Variants in TNPO3 observed in about 807,000 individuals in gnomAD.
The protein encoded by TNPO3 is transportin-3.
Under a neutral mutation model 122.8 loss-of-function variants are expected in TNPO3, and 65 were observed. The observed-to-expected ratio is 0.53, with a 90% CI of 0.43 to 0.65. TNPO3 has a LOEUF of 0.65. Ranked by LOEUF, TNPO3 falls within the 30% of genes least tolerant of loss-of-function variation. The pLI, the probability that TNPO3 is intolerant of heterozygous loss-of-function variation, is 0.00. For synonymous variants in TNPO3, 372 were observed against 411.2 expected (o/e 0.90, Z 1.15); for missense variants, 850 against 1,136.7 (o/e 0.75, Z 3.63).
intron 4 of TNPO3, among the ~76,000 whole-genome samples, chr7:129,013,662 C>T (rs1307403901): frequency 1.3e-5 from 2 of 152,146 alleles, no homozygotes; most frequent in African/African-American, 4.8e-5. Context: ...AAGATCTCTA[C>T]AATCCCATGT....
chr7:129,018,909 AG>A (rs1415857700), intron 1 of TNPO3, among the ~76,000 whole-genome samples: 1 of 152,096 alleles, frequency 6.6e-6, no homozygotes, highest in Non-Finnish European at 1.5e-5. Flanking sequence ...AGTAGAGGCG[AG>A]GTTTCACCAT....
chr7:129,035,495 G>A (rs6973975), intron 1 of TNPO3, among the ~76,000 whole-genome samples: 96,303 of 151,940 alleles, frequency 0.63, 30,855 homozygotes, highest in Middle Eastern at 0.7. Context: ...TGCTTGTAAT[G>A]CCAGCTACTT....
intron 15 of TNPO3, 98 bp from the exon 16 acceptor site, chr7:128,979,221 C>G: frequency 1.4e-6 from 2 of 1,468,380 alleles, no homozygotes; most frequent in South Asian, 2.6e-5. Context: ...TTTTAAATAA[C>G]TGGGACAAAA....
At chr7:128,964,461 G>C (rs1429407658) in intron 21 of TNPO3, among the ~76,000 whole-genome samples, 1 of 150,178 alleles carries the variant, frequency 6.7e-6, no homozygotes, top group Non-Finnish European at 1.5e-5. Flanking sequence ...TCAGCCTCCA[G>C]AGTAGCTGGG....
intron 10 of TNPO3, among the ~76,000 whole-genome samples, chr7:128,990,641 G>T (rs1224035851): frequency 6.6e-6 from 1 of 152,152 alleles, no homozygotes; most frequent in Non-Finnish European, 1.5e-5. Context: ...CTAATTGAAA[G>T]AACAAGAAAA....
In TNPO3 at chr7:128,955,369, A is replaced by C. The variant is rs763371259; in HGVS notation, c.*48T>G. 5 of 456,276 alleles carry C rather than the reference A, an allele frequency of 1.1e-5. No homozygotes were observed. Among genetic ancestry groups the C allele is most frequent in the African/African-American group, 2.0e-5 (1 of 50,040 alleles). 28.3% of individuals were successfully genotyped at this position (456,276 alleles called of 1,614,324 possible). On this transcript the variant is annotated 3_prime_UTR_variant, in exon 23 of 23. Transcript: ENST00000265388. ...GGTTTTTGTTTTCTTCCTGTCTTCT[A>C]ATTAAAAAAGACATTCCTGACAAAA...
At chr7:129,049,263 A>G (rs1808419355) in intron 1 of TNPO3, among the ~76,000 whole-genome samples, 1 of 152,230 alleles carries the variant, frequency 6.6e-6, no homozygotes. Flanking sequence ...GACTCAGTAA[A>G]GGAGTCTAAA....
intron 1 of TNPO3, among the ~76,000 whole-genome samples, chr7:129,037,557 C>T (rs1455887737): frequency 1.3e-5 from 2 of 152,140 alleles, no homozygotes; most frequent in Admixed American, 6.5e-5. Context: ...AGATCACCTT[C>T]GCAGACCAGA....
intron 20 of TNPO3, 103 bp downstream of exon 20, chr7:128,970,045 G>C: frequency 7.0e-7 from 1 of 1,430,648 alleles, no homozygotes; most frequent in Non-Finnish European, 9.7e-7. Flanking sequence ...TGGTTCCATG[G>C]ACAGAAAACA....
rs1362523155 is a variant in TNPO3, at chr7:129,001,140, G to A, written c.791C>T (p.Pro264Leu). The A allele has an allele frequency of 1.2e-6, 2 of 1,614,138 alleles. No individual in the cohort carries two copies. The highest frequency in any genetic ancestry group is 1.3e-5 in the African/African-American group (1 of 75,044). ...TCCCTGAAAAAGTTGCATGGCTAAT[G>A]GCAAGTTAGTCTCCACATTCTCAAT... is the stretch of plus-strand genomic sequence containing the variant. ...YAIENVETNL[P>L]LAMQLFQGVL... Residue 264 changes from proline (P) to leucine (L), a missense_variant, in exon 6 of 23, where the codon CCA becomes CTA. Physicochemically the swap from Pro to Leu is moderately conservative, Grantham distance 98 (BLOSUM62 -3). Transcript: ENST00000265388.
intron 1 of TNPO3, among the ~76,000 whole-genome samples, chr7:129,040,226 G>C (rs1807202502): frequency 6.7e-6 from 1 of 149,798 alleles, no homozygotes; most frequent in Non-Finnish European, 1.5e-5. Context: ...CTGCACTCTA[G>C]CCTGGGCAAC....
At chr7:129,042,270 C>T (rs1462226969) in intron 1 of TNPO3, among the ~76,000 whole-genome samples, 3 of 152,044 alleles carry the variant, frequency 2.0e-5, no homozygotes, top group South Asian at 2.1e-4. Context: ...TTAAGCATTT[C>T]GATGAGTGAA....
chr7:129,000,319 C>A, intron 7 of TNPO3, 110 bp downstream of exon 7: 2 of 1,201,324 alleles, frequency 1.7e-6, no homozygotes, highest in South Asian at 2.2e-5. Flanking sequence ...TAATTAAAAA[C>A]AAGACTGTAA....
intron 21 of TNPO3, among the ~76,000 whole-genome samples, chr7:128,961,253 C>T (rs185634200): frequency 5.9e-5 from 9 of 152,222 alleles, no homozygotes; most frequent in Admixed American, 5.9e-4. Flanking sequence ...TGCCCTCATA[C>T]AGGTATACCT....
chr7:129,005,254 G>A, intron 4 of TNPO3, 95 bp from the exon 5 acceptor site: 3 of 1,180,070 alleles, frequency 2.5e-6, no homozygotes, highest in Non-Finnish European at 3.5e-6. Flanking sequence ...GAGAAAGATG[G>A]CAATAAAACA....
intron 5 of TNPO3, among the ~76,000 whole-genome samples, chr7:129,003,039 C>CA (rs56226072): frequency 0.091 from 4,858 of 53,154 alleles, 373 homozygotes; most frequent in African/African-American, 0.1. Context: ...GACTCCCTCT[C>CA]AAAAAAAAAA....
intron 18 of TNPO3, among the ~76,000 whole-genome samples, chr7:128,974,122 C>T (rs570596180): frequency 2.8e-4 from 43 of 151,004 alleles, no homozygotes; most frequent in African/African-American, 1.0e-3. Context: ...TGCAGTGAGC[C>T]GAGATCATGC....
intron 4 of TNPO3, among the ~76,000 whole-genome samples, chr7:129,012,699 A>G (rs763726795): frequency 6.6e-6 from 1 of 152,242 alleles, no homozygotes; most frequent in Non-Finnish European, 1.5e-5. Context: ...GCTGGACTAT[A>G]AAGACTTAAA....
intron 21 of TNPO3, 91 bp from the exon 22 acceptor site, chr7:128,957,406 G>A (rs1307873448): frequency 7.6e-6 from 10 of 1,310,800 alleles, no homozygotes; most frequent in Non-Finnish European, 1.1e-5. Flanking sequence ...ACTGAGAACC[G>A]TCCCAACTCT....
Sources: allele counts gnomAD v4.1 joint callset (sites outside exome capture counted in the v4.1 genomes callset), GRCh38; gene constraint gnomAD v4.1.1; transcripts MANE v1.5; gene names NCBI Gene and HGNC (gene_info 2026-07-23, HGNC 2026-07-21).